CAMK1D: variants seen among roughly 807,000 people sequenced by gnomAD.
The protein encoded by CAMK1D is calcium/calmodulin-dependent protein kinase type 1D.
A neutral mutation model predicts 47.7 loss-of-function variants in CAMK1D; 9 were observed. The ratio of observed to expected loss-of-function variants is 0.19; its 90% CI spans 0.11 to 0.33. The LOEUF (loss-of-function observed/expected upper bound fraction) is 0.33. CAMK1D is among the 10% of genes least tolerant of loss of function. The pLI is 1.00. For synonymous variants in CAMK1D, 184 were observed against 184.9 expected (o/e 0.99, Z 0.04); for missense variants, 291 against 488.7 (o/e 0.60, Z 3.81).
intron 1 of CAMK1D, among the ~76,000 whole-genome samples, chr10:12,535,310 C>G (rs1174078046): frequency 1.3e-5 from 2 of 152,216 alleles, no homozygotes; most frequent in African/African-American, 4.8e-5. Context: ...ATTTCACTCT[C>G]TGTTCTGAAG....
At chr10:12,488,218 G>T in intron 1 of CAMK1D, among the ~76,000 whole-genome samples, 1 of 152,230 alleles carries the variant, frequency 6.6e-6, no homozygotes, top group East Asian at 1.9e-4. Context: ...GGCCTTCCAA[G>T]CCCCCTGAAA....
At chr10:12,438,985 T>G (rs557346222) in intron 1 of CAMK1D, among the ~76,000 whole-genome samples, 1 of 152,318 alleles carries the variant, frequency 6.6e-6, no homozygotes, top group South Asian at 2.1e-4. Context: ...TCCCCAAACC[T>G]CAGCTTTCTG....
chr10:12,499,900 G>A (rs941170113), intron 1 of CAMK1D, among the ~76,000 whole-genome samples: 5 of 152,122 alleles, frequency 3.3e-5, no homozygotes, highest in Admixed American at 6.6e-5. Context: ...AGCCGTCCAC[G>A]GATCATTTAG....
At chr10:12,699,482 C>A (rs1343048722) in intron 3 of CAMK1D, among the ~76,000 whole-genome samples, 1 of 152,102 alleles carries the variant, frequency 6.6e-6, no homozygotes, top group Non-Finnish European at 1.5e-5. Context: ...CTGCTCTTGT[C>A]TGAAGCTGAG....
chr10:12,560,732 A>AAG (rs1227631778), intron 2 of CAMK1D, among the ~76,000 whole-genome samples: 1 of 152,080 alleles, frequency 6.6e-6, no homozygotes, highest in African/African-American at 2.4e-5. Flanking sequence ...AAGGGTCTAA[A>AAG]AGAGAGAGAG....
intron 1 of CAMK1D, among the ~76,000 whole-genome samples, chr10:12,486,910 C>T (rs571398271): frequency 6.6e-6 from 1 of 152,180 alleles, no homozygotes; most frequent in South Asian, 2.1e-4. Flanking sequence ...TACACCCCAG[C>T]GTGGGTGACA....
At chr10:12,702,903 G>T (rs1224197818) in intron 3 of CAMK1D, among the ~76,000 whole-genome samples, 1 of 152,210 alleles carries the variant, frequency 6.6e-6, no homozygotes, top group East Asian at 1.9e-4. Flanking sequence ...TGAGATTATT[G>T]CCAGAGAGCA....
intron 2 of CAMK1D, among the ~76,000 whole-genome samples, chr10:12,566,640 G>A (rs1478029519): frequency 6.6e-6 from 1 of 152,174 alleles, no homozygotes; most frequent in Non-Finnish European, 1.5e-5. Context: ...GAGCTAAGCC[G>A]GGCAGACGCG....
intron 1 of CAMK1D, among the ~76,000 whole-genome samples, chr10:12,356,319 G>A (rs1407256547): frequency 6.6e-6 from 1 of 152,120 alleles, no homozygotes; most frequent in Non-Finnish European, 1.5e-5. Flanking sequence ...TTCATTTGGT[G>A]GTTTTGTTCA....
intron 3 of CAMK1D, among the ~76,000 whole-genome samples, chr10:12,729,628 C>CA (rs1834804601): frequency 6.6e-6 from 1 of 151,810 alleles, no homozygotes; most frequent in Non-Finnish European, 1.5e-5. Flanking sequence ...GACCCTGTCT[C>CA]AAAAAATAAT....
intron 2 of CAMK1D, among the ~76,000 whole-genome samples, chr10:12,578,103 C>A (rs1298196852): frequency 6.6e-6 from 1 of 152,106 alleles, no homozygotes; most frequent in Non-Finnish European, 1.5e-5. Flanking sequence ...TAGACAGGGT[C>A]TTGCACTATT....
intron 4 of CAMK1D, among the ~76,000 whole-genome samples, chr10:12,765,389 G>A (rs1300288311): frequency 6.6e-6 from 1 of 152,018 alleles, no homozygotes; most frequent in African/African-American, 2.4e-5. Context: ...AGGGGAGGGG[G>A]TAGTGGATGG....
At chr10:12,377,725 A>G (rs1315180747) in intron 1 of CAMK1D, among the ~76,000 whole-genome samples, 2 of 152,316 alleles carry the variant, frequency 1.3e-5, no homozygotes, top group African/African-American at 4.8e-5. Context: ...GGAGAACACC[A>G]GGAGATCGCA....
At chr10:12,823,748 G>A (rs1055951440) in intron 8 of CAMK1D, among the ~76,000 whole-genome samples, 2 of 151,998 alleles carry the variant, frequency 1.3e-5, no homozygotes, top group East Asian at 1.9e-4. Context: ...GGTGGACGCC[G>A]TCCTTGAAGT....
chr10:12,604,867 G>A (rs1838403221), intron 2 of CAMK1D, among the ~76,000 whole-genome samples: 1 of 151,790 alleles, frequency 6.6e-6, no homozygotes, highest in Non-Finnish European at 1.5e-5. Context: ...TTTGGGAAAT[G>A]CAGATCCAAT....
At chr10:12,455,898 A>G (rs1454421684) in intron 1 of CAMK1D, among the ~76,000 whole-genome samples, 1 of 152,242 alleles carries the variant, frequency 6.6e-6, no homozygotes. Context: ...TTAGTCTCAT[A>G]TGACTTGTAT....
At chr10:12,735,154 A>C (rs1250086626) in intron 3 of CAMK1D, among the ~76,000 whole-genome samples, 1 of 152,202 alleles carries the variant, frequency 6.6e-6, no homozygotes, top group African/African-American at 2.4e-5. Context: ...TGGAATAATT[A>C]TGCCCGTTTT....
At chr10:12,623,275 CCCTT>C (rs1839080111) in intron 2 of CAMK1D, among the ~76,000 whole-genome samples, 1 of 12,956 alleles carries the variant, frequency 7.7e-5, no homozygotes, top group African/African-American at 1.6e-4. Context: ...CTTCCTCCCT[CCCTT>C]CCTTCCTCCC....
In CAMK1D at chr10:12,650,876, A is replaced by G. The variant is rs529506560; in HGVS notation, c.225-15860A>G. 5.3e-5 allele frequency among the ~76,000 whole-genome samples: 8 copies of G among 152,252 alleles called. No homozygotes were observed. In the South Asian group the frequency reaches 1.7e-3, roughly 32 times the overall value. ...GAGAGAGGAAAAAGGATGCATGGGGAAAAAAACCCATCAGGGGGTTCATCT... is the reference window on the plus strand; with the variant it reads ...GAGAGAGGAAAAAGGATGCATGGGGGAAAAAACCCATCAGGGGGTTCATCT... On this transcript the variant is annotated intron_variant, in intron 2 of 10. Coordinates refer to ENST00000619168, the MANE Select transcript of CAMK1D (RefSeq NM_153498.4).
Sources: gnomAD v4.1 joint callset for allele counts (sites outside exome capture counted in the v4.1 genomes callset) on GRCh38, gnomAD v4.1.1 for gene constraint, MANE v1.5 for transcripts, NCBI Gene and HGNC (gene_info 2026-07-23, HGNC 2026-07-21) for gene names.